SIPA1L1: variants seen among roughly 807,000 people sequenced by gnomAD.
SIPA1L1 encodes the protein signal-induced proliferation-associated 1-like protein 1.
In SIPA1L1, 26 loss-of-function variants were observed where a neutral mutation model predicts 162.7. The ratio of observed to expected loss-of-function variants is 0.16; its 90% confidence interval spans 0.12 to 0.22. The LOEUF (loss-of-function observed/expected upper bound fraction) is 0.22. Ranked by LOEUF, SIPA1L1 falls within the 10% of genes least tolerant of loss-of-function variation. The pLI, the probability that SIPA1L1 is intolerant of heterozygous loss-of-function variation, is 1.00. For missense variants in SIPA1L1, 1,874 were observed against 2,241.0 expected (o/e 0.84, Z 3.31); for synonymous variants, 829 against 837.4 (o/e 0.99, Z 0.17).
chr14:71,562,955 A>G (rs968217692), intron 4 of SIPA1L1, among the ~76,000 whole-genome samples: 59 of 152,004 alleles, frequency 3.9e-4, no homozygotes, highest in African/African-American at 1.3e-3. Context: ...TTCTTGCTTT[A>G]TTATTGTTCA....
At chr14:71,706,592 C>T (rs865874416) in intron 16 of SIPA1L1, among the ~76,000 whole-genome samples, 34 of 152,140 alleles carry the variant, frequency 2.2e-4, no homozygotes, top group Non-Finnish European at 1.0e-4. Flanking sequence ...CAGCACAGGT[C>T]TGGAGCTAAA....
At chr14:71,469,346 C>G (rs1463757829) in intron 2 of SIPA1L1, among the ~76,000 whole-genome samples, 1 of 152,196 alleles carries the variant, frequency 6.6e-6, no homozygotes, top group Non-Finnish European at 1.5e-5. Flanking sequence ...AAGTGCAGTA[C>G]AGATGTGAGA....
At position 71,675,703 on chromosome 14, in the gene SIPA1L1, C is replaced by CTGCAGG. The variant is rs573487818; in HGVS notation, c.3104+3081_3104+3082insTGCAGG. On this transcript the variant is annotated intron_variant, in intron 12 of 23. Transcript: ENST00000381232. Reference sequence around the variant, plus strand: ...TTCTCTTCTTTGTCAGCTGGGACTTCACCACCAGTCACTGCAGCTGCAGCG... The same window carrying CTGCAGG: ...TTCTCTTCTTTGTCAGCTGGGACTTCTGCAGGACCACCAGTCACTGCAGCTGCAGCG... Among the ~76,000 whole-genome samples the CTGCAGG allele has an allele frequency of 4.5e-3, 688 of 152,318 alleles. 2 individuals are homozygous for CTGCAGG. The highest frequency in any genetic ancestry group is 6.8e-3 in the Non-Finnish European group (464 of 68,042).
At chr14:71,436,187 G>A (rs150478552) in intron 2 of SIPA1L1, among the ~76,000 whole-genome samples, 33 of 152,274 alleles carry the variant, frequency 2.2e-4, no homozygotes, top group African/African-American at 7.7e-4. Context: ...ATATAAAAAG[G>A]AAATTAGCAC....
intron 5 of SIPA1L1, among the ~76,000 whole-genome samples, chr14:71,594,357 A>G (rs1206314926): frequency 6.6e-6 from 1 of 152,218 alleles, no homozygotes; most frequent in African/African-American, 2.4e-5. Flanking sequence ...TTTTTAGTGC[A>G]TATAGAACAT....
At chr14:71,717,604 T>C (rs2083371283) in intron 17 of SIPA1L1, among the ~76,000 whole-genome samples, 2 of 152,188 alleles carry the variant, frequency 1.3e-5, no homozygotes, top group African/African-American at 4.8e-5. Flanking sequence ...TCCAGGATAA[T>C]GAAAGAGCCC....
chr14:71,535,457 T>G (rs1268397225), intron 4 of SIPA1L1, among the ~76,000 whole-genome samples: 1 of 152,182 alleles, frequency 6.6e-6, no homozygotes, highest in Admixed American at 6.6e-5. Context: ...TAAAATGAGC[T>G]GCTATATAGA....
At chr14:71,467,710 C>G (rs940724246) in intron 2 of SIPA1L1, among the ~76,000 whole-genome samples, 2 of 151,906 alleles carry the variant, frequency 1.3e-5, no homozygotes, top group Non-Finnish European at 2.9e-5. Context: ...ACCTCTGGCA[C>G]CAGACTGTCT....
chr14:71,656,221 T>C (rs1046920360), intron 8 of SIPA1L1, among the ~76,000 whole-genome samples: 4 of 152,318 alleles, frequency 2.6e-5, no homozygotes, highest in East Asian at 1.9e-4. Flanking sequence ...GGGCTAGAAG[T>C]AGAAAAATAA....
chr14:71,552,605 C>T (rs1477138671), intron 4 of SIPA1L1, among the ~76,000 whole-genome samples: 1 of 151,960 alleles, frequency 6.6e-6, no homozygotes, highest in African/African-American at 2.4e-5. Context: ...ACCGTGTTAG[C>T]CAAGATGGTC....
chr14:71,509,259 T>G (rs1684017888), intron 2 of SIPA1L1, among the ~76,000 whole-genome samples: 1 of 152,214 alleles, frequency 6.6e-6, no homozygotes, highest in Non-Finnish European at 1.5e-5. Context: ...TTTATTTTCT[T>G]ATTAAGTTGA....
At chr14:71,495,023 C>T (rs572565309) in intron 2 of SIPA1L1, among the ~76,000 whole-genome samples, 14 of 152,318 alleles carry the variant, frequency 9.2e-5, no homozygotes, top group African/African-American at 3.1e-4. Flanking sequence ...GGAGCCACTG[C>T]ACCCAGACAG....
intron 7 of SIPA1L1, among the ~76,000 whole-genome samples, chr14:71,645,915 A>G (rs1280407376): frequency 6.6e-6 from 1 of 152,222 alleles, no homozygotes; most frequent in Non-Finnish European, 1.5e-5. Context: ...ACTATTTTAA[A>G]TTTCTAAATT....
intron 12 of SIPA1L1, among the ~76,000 whole-genome samples, chr14:71,678,931 C>G (rs1044806888): frequency 6.6e-6 from 1 of 151,926 alleles, no homozygotes; most frequent in African/African-American, 2.4e-5. Context: ...AAATATGGGA[C>G]TATGTGAAAA....
intron 8 of SIPA1L1, among the ~76,000 whole-genome samples, chr14:71,653,409 G>A (rs1259944988): frequency 6.6e-6 from 1 of 152,060 alleles, no homozygotes; most frequent in Non-Finnish European, 1.5e-5. Context: ...AGACTCAAAG[G>A]GACCCCTATT....
intron 12 of SIPA1L1, among the ~76,000 whole-genome samples, chr14:71,675,206 A>G (rs1279751346): frequency 6.6e-6 from 1 of 152,164 alleles, no homozygotes; most frequent in African/African-American, 2.4e-5. Context: ...GAGCTGTCAC[A>G]CCGCTGTGAC....
At chr14:71,674,451 C>T (rs1311006720) in intron 12 of SIPA1L1, among the ~76,000 whole-genome samples, 1 of 151,868 alleles carries the variant, frequency 6.6e-6, no homozygotes, top group African/African-American at 2.4e-5. Flanking sequence ...GAGTTTTTTA[C>T]CTTAATATGC....
intron 2 of SIPA1L1, among the ~76,000 whole-genome samples, chr14:71,501,808 A>G (rs2050239334): frequency 6.6e-6 from 1 of 152,078 alleles, no homozygotes; most frequent in African/African-American, 2.4e-5. Flanking sequence ...GGATTGCTTG[A>G]TTTCCAGGAG....
At position 71,455,892 on chromosome 14, in the gene SIPA1L1, T is replaced by C. The variant is rs1255232251; in HGVS notation, c.-464-56851T>C. 2.0e-5 allele frequency among the ~76,000 whole-genome samples: 3 copies of C among 152,240 alleles called. No homozygotes were observed. In the East Asian group the frequency reaches 5.8e-4, roughly 29 times the overall value. ...CGGTAGCAGGATGTATTCTTACTTATATATTACTTGTTTAATATACTTTTG... is the reference window on the plus strand; with the variant it reads ...CGGTAGCAGGATGTATTCTTACTTACATATTACTTGTTTAATATACTTTTG... On this transcript the variant is annotated intron_variant, in intron 2 of 23. Transcript: ENST00000381232.
Sources: allele counts gnomAD v4.1 joint callset (sites outside exome capture counted in the v4.1 genomes callset), GRCh38; gene constraint gnomAD v4.1.1; transcripts MANE v1.5; gene names NCBI Gene and HGNC (gene_info 2026-07-23, HGNC 2026-07-21).